LRRC15: variants seen among roughly 807,000 people sequenced by gnomAD.
LRRC15 encodes leucine-rich repeat-containing protein 15.
A neutral mutation model predicts 4.3 loss-of-function variants in LRRC15; 5 were observed. The observed-to-expected ratio is 1.16, with a 90% CI of 0.61 to 2.44. The LOEUF (loss-of-function observed/expected upper bound fraction) is 2.44, where lower values mean the gene tolerates loss of function less well. LRRC15 is among the 30% of genes most tolerant of loss of function. The pLI is 0.01. For synonymous variants in LRRC15, 337 were observed against 323.2 expected (o/e 1.04, Z -0.46); for missense variants, 769 against 747.0 (o/e 1.03, Z -0.34).
rs778828386 is a variant in LRRC15 at position 194,359,911 on chromosome 3, C to G, written c.1133G>C (p.Arg378Thr). 5 of 1,614,132 alleles carry G rather than the reference C, an allele frequency of 3.1e-6. No individual in the cohort carries two copies. The East Asian group carries it at 6.7e-5, about 22-fold the overall frequency. Reference sequence around the variant, plus strand: ...GGCGAAGATATTCCCTGGGAGCTGTCTGAGGCGGTTGTTCTGCAGGGAGAT... The same window carrying G: ...GGCGAAGATATTCCCTGGGAGCTGTGTGAGGCGGTTGTTCTGCAGGGAGAT... ...QNISLQNNRL[R>T]QLPGNIFANV... The change falls in exon 2 of 2, where the codon AGA (arginine) becomes ACA (threonine). Residue 378 changes from arginine (R) to threonine (T), a missense_variant. Arg to Thr is a moderately conservative substitution (Grantham distance 71). Coordinates refer to ENST00000347624, the MANE Select transcript of LRRC15 (RefSeq NM_130830.5).
chr3:194,366,684 C>T (rs1713789958), intron 1 of LRRC15, among the ~76,000 whole-genome samples: 1 of 152,216 alleles, frequency 6.6e-6, no homozygotes, highest in Non-Finnish European at 1.5e-5. Flanking sequence ...CCATCAGGAA[C>T]TGCAGTTTGT....
intron 1 of LRRC15, among the ~76,000 whole-genome samples, chr3:194,369,242 C>T (rs1036108016): frequency 3.3e-5 from 5 of 152,268 alleles, no homozygotes; most frequent in Non-Finnish European, 5.9e-5. Context: ...AAAGATGGCA[C>T]AGGCGCAAAT....
At chr3:194,366,054 G>A (rs954601011) in intron 1 of LRRC15, among the ~76,000 whole-genome samples, 11 of 152,190 alleles carry the variant, frequency 7.2e-5, no homozygotes, top group Admixed American at 5.2e-4. Context: ...GAAGATGTCA[G>A]GCTTGGAGCA....
Position 194,359,959 on chromosome 3 carries a change from C to T in LRRC15, c.1085G>A (p.Arg362His), listed in dbSNP as rs552815580. The T allele has an allele frequency of 5.2e-5, 84 of 1,614,146 alleles. No homozygotes were observed. In the South Asian group the frequency reaches 8.2e-4, roughly 16 times the overall value. Residue 362 changes from arginine (R) to histidine (H), a missense_variant, in exon 2 of 2, where the codon CGC (arginine) becomes CAC (histidine). Arg to His is a conservative substitution (Grantham distance 29). Transcript: ENST00000347624. ...ALQDLDGNVF[R>H]MLANLQNISL... ...GATGTTCTGCAGGTTGGCCAACATG[C>T]GGAAGACGTTCCCGTCCAGGTCCTG...
In LRRC15 at chr3:194,359,662, C is replaced by T; in HGVS notation, c.1382G>A (p.Gly461Asp). 1 of 1,614,148 alleles carries T rather than the reference C, an allele frequency of 6.2e-7. No homozygotes were observed. The highest frequency in any genetic ancestry group is 8.5e-7 in the Non-Finnish European group (1 of 1,180,032). Residue 461 changes from glycine (G) to aspartate (D), a missense_variant, in exon 2 of 2, where the codon GGC (glycine) becomes GAC (aspartate). Coordinates refer to ENST00000347624, the MANE Select transcript of LRRC15 (RefSeq NM_130830.5). Reference protein sequence around the residue: ...PVCFSPANVRGQSLIIINVNV... With the variant: ...PVCFSPANVRDQSLIIINVNV... The stretch of plus-strand genomic sequence containing the variant: ...GACATTGATGATAATGAGGGACTGG[C>T]CTCGGACATTGGCTGGGCTGAAACA...
Position 194,360,698 on chromosome 3 carries a change from G to A in LRRC15, c.346C>T (p.Leu116=), listed in dbSNP as rs779368242. The A allele has an allele frequency of 1.5e-5, 24 of 1,614,238 alleles. No individual in the cohort carries two copies. Among genetic ancestry groups the A allele is most frequent in the Non-Finnish European group, 1.9e-5 (23 of 1,180,042 alleles). ...LSLANNKLQV[L]PIGLFQGLDS... Reference sequence around the variant, plus strand: ...AGGCCCTGGAAGAGGCCGATGGGCAGAACCTGCAGCTTGTTGTTGGCGAGG... The same window carrying A: ...AGGCCCTGGAAGAGGCCGATGGGCAAAACCTGCAGCTTGTTGTTGGCGAGG... The change falls in exon 2 of 2, where the codon CTG becomes TTG. Residue 116 remains leucine, a synonymous_variant. Transcript: ENST00000347624.
In LRRC15 at chr3:194,359,143, A is replaced by C; in HGVS notation, c.*155T>G. 1 of 661,506 alleles carries C rather than the reference A, an allele frequency of 1.5e-6. No homozygotes were observed. The highest frequency in any genetic ancestry group is 2.5e-6 in the Non-Finnish European group (1 of 403,746). 41.0% of individuals were successfully genotyped at this position (661,506 alleles called of 1,614,324 possible). The stretch of plus-strand genomic sequence containing the variant: ...GGCACGACCTGCTTCTCTACGGGAG[A>C]ATCAGGCAAGTCAGGAAGAGGTAGG... On this transcript the variant is annotated 3_prime_UTR_variant, in exon 2 of 2. Coordinates refer to ENST00000347624, the MANE Select transcript of LRRC15 (RefSeq NM_130830.5).
At chr3:194,362,273 A>C (rs1402567601) in intron 1 of LRRC15, among the ~76,000 whole-genome samples, 1 of 152,038 alleles carries the variant, frequency 6.6e-6, no homozygotes, top group Non-Finnish European at 1.5e-5. Flanking sequence ...CTCGTGTGTG[A>C]AGAGGGGATG....
At chr3:194,365,202 A>T (rs1007053139) in intron 1 of LRRC15, among the ~76,000 whole-genome samples, 5 of 152,246 alleles carry the variant, frequency 3.3e-5, no homozygotes, top group Admixed American at 6.5e-5. Flanking sequence ...TCACTGGCCC[A>T]TGAAGTCAGC....
rs1713500159 is a variant in LRRC15 at position 194,358,588 on chromosome 3, T to G, written c.*710A>C. On this transcript the variant is annotated 3_prime_UTR_variant, in exon 2 of 2. Transcript: ENST00000347624. The stretch of plus-strand genomic sequence containing the variant: ...GCTGAGCTTGCTGTGCTGGGGTGTT[T>G]CTTCCTTTTCCAGATAAAAATCACA... 1 of 152,660 alleles carries G rather than the reference T, an allele frequency of 6.6e-6. No homozygotes were observed. Among genetic ancestry groups the G allele is most frequent in the Non-Finnish European group, 1.5e-5 (1 of 68,058 alleles). 9.5% of individuals were successfully genotyped at this position (152,660 alleles called of 1,614,324 possible).
intron 1 of LRRC15, among the ~76,000 whole-genome samples, chr3:194,365,055 C>T (rs1255950056): frequency 1.3e-5 from 2 of 152,256 alleles, no homozygotes; most frequent in Non-Finnish European, 1.5e-5. Flanking sequence ...GCAGCTCTGA[C>T]AGATGGCAGT....
chr3:194,362,385 C>A (rs1357948575), intron 1 of LRRC15, among the ~76,000 whole-genome samples: 2 of 152,168 alleles, frequency 1.3e-5, no homozygotes, highest in Non-Finnish European at 2.9e-5. Flanking sequence ...TTGTTCCATG[C>A]TTATCCACAG....
Position 194,360,863 on chromosome 3 carries a change from G to A in LRRC15, c.181C>T (p.Leu61Phe). ...LPWNAMSLQILNTHITELNES... is the reference protein window; with the variant it reads ...LPWNAMSLQIFNTHITELNES... ...TTGAGTTCAGTGATGTGCGTGTTGAGGATCTGCAGGCTCATGGCGTTCCAG... is the reference window on the plus strand; with the variant it reads ...TTGAGTTCAGTGATGTGCGTGTTGAAGATCTGCAGGCTCATGGCGTTCCAG... Residue 61 changes from leucine (L) to phenylalanine (F), a missense_variant, in exon 2 of 2, where the codon CTC (leucine) becomes TTC (phenylalanine). Coordinates refer to ENST00000347624, the MANE Select transcript of LRRC15 (RefSeq NM_130830.5). 1.2e-6 allele frequency: 2 copies of A among 1,610,322 alleles called. No individual in the cohort carries two copies. The highest frequency in any genetic ancestry group is 1.7e-6 in the Non-Finnish European group (2 of 1,177,404).
rs1713441577 is a variant in LRRC15, at chr3:194,356,799, T to G, written c.*2499A>C. On this transcript the variant is annotated 3_prime_UTR_variant, in exon 2 of 2. Transcript: ENST00000347624. Reference sequence around the variant, plus strand: ...CACCTCCCTCCAGCCCTGGCCCACTTGTGCCTATGCACAAAGACATCTGGA... The same window carrying G: ...CACCTCCCTCCAGCCCTGGCCCACTGGTGCCTATGCACAAAGACATCTGGA... 6.6e-6 allele frequency: 1 copy of G among 152,332 alleles called. No individual in the cohort carries two copies. The highest frequency in any genetic ancestry group is 1.5e-5 in the Non-Finnish European group (1 of 68,096). The allele number at this position is 152,332 out of a possible 1,614,324, so 9.4% of individuals were successfully genotyped here. A position where few individuals can be genotyped will look rare whatever the true frequency, so the allele number is the denominator to read the frequency against.
intron 1 of LRRC15, 33 bp from the exon 2 acceptor site, chr3:194,361,079 G>A (rs1386435973): frequency 6.8e-7 from 1 of 1,474,352 alleles, no homozygotes; most frequent in Non-Finnish European, 8.9e-7. Flanking sequence ...CGTTAGTCAG[G>A]GTCCTCTACC....
At chr3:194,363,337 A>G in intron 1 of LRRC15, 1 of 713,562 alleles carries the variant, frequency 1.4e-6, no homozygotes, top group South Asian at 1.5e-5. Flanking sequence ...CAATGGAAAC[A>G]AGAAAGGAAA....
intron 1 of LRRC15, among the ~76,000 whole-genome samples, chr3:194,362,941 T>TG (rs1389307089): frequency 4.7e-4 from 44 of 92,844 alleles, no homozygotes; most frequent in African/African-American, 4.1e-3. Context: ...TTGATTTTGT[T>TG]TTTTTTTTTT....
chr3:194,360,454 C>T lies in LRRC15; in HGVS notation c.590G>A (p.Gly197Asp). The T allele has an allele frequency of 6.2e-7, 1 of 1,614,102 alleles. No individual in the cohort carries two copies. Among genetic ancestry groups the T allele is most frequent in the Non-Finnish European group, 8.5e-7 (1 of 1,180,000 alleles). The change falls in exon 2 of 2, where the codon GGC becomes GAC. Residue 197 changes from glycine to aspartate, a missense_variant. Gly to Asp is a moderately conservative substitution (Grantham distance 94, BLOSUM62 -1). Coordinates refer to ENST00000347624, the MANE Select transcript of LRRC15 (RefSeq NM_130830.5). ...ATACAGCCGGAGGACCTGGAGGTTGCCCAGGTGCTGGAAGACCCTGGGTGA... is the reference window on the plus strand; with the variant it reads ...ATACAGCCGGAGGACCTGGAGGTTGTCCAGGTGCTGGAAGACCCTGGGTGA... ...HISPRVFQHLGNLQVLRLYEN... is the reference protein window; with the variant it reads ...HISPRVFQHLDNLQVLRLYEN...
intron 1 of LRRC15, among the ~76,000 whole-genome samples, chr3:194,365,605 C>T (rs550091149): frequency 6.6e-6 from 1 of 152,236 alleles, no homozygotes; most frequent in African/African-American, 2.4e-5. Context: ...CGTCCAAGGG[C>T]CCTTGGAGCT....
Sources: gnomAD v4.1 joint callset for allele counts (sites outside exome capture counted in the v4.1 genomes callset) on GRCh38, gnomAD v4.1.1 for gene constraint, MANE v1.5 for transcripts, NCBI Gene and HGNC (gene_info 2026-07-23, HGNC 2026-07-21) for gene names.